RANBP2: variants seen among roughly 807,000 people sequenced by gnomAD.
The protein encoded by RANBP2 is RAN binding protein 2, also known as E3 SUMO-protein ligase RanBP2.
In RANBP2, 57 loss-of-function variants were observed where a neutral mutation model predicts 303.6. That is an observed-to-expected ratio of 0.19 (90% CI 0.15 to 0.23). The LOEUF is 0.23. Ranked by LOEUF, RANBP2 falls within the 10% of genes least tolerant of loss-of-function variation. The probability of loss-of-function intolerance (pLI) is 1.00; values close to 1 mark genes in which losing one functional copy is unlikely to be tolerated. For missense variants in RANBP2, 3,138 were observed against 3,780.8 expected, an observed-to-expected ratio of 0.83 and a Z score of 4.46; for synonymous variants, 1,167 against 1,301.5, an observed-to-expected ratio of 0.90 and a Z score of 2.23.
the RANBP2 span, among the ~76,000 whole-genome samples, chr2:109,495,341 C>T: frequency 6.6e-6 from 1 of 152,316 alleles, no homozygotes; most frequent in East Asian, 1.9e-4. Flanking sequence ...GTTCTGGGAC[C>T]AGCCCCTCCT....
At chr2:109,572,531 A>G in the RANBP2 span, among the ~76,000 whole-genome samples, 1 of 151,820 alleles carries the variant, frequency 6.6e-6, no homozygotes, top group Non-Finnish European at 1.5e-5. Context: ...GCAGTTCAGC[A>G]TGACAGCCAT....
the RANBP2 span, chr2:109,585,009 T>C: frequency 2.1e-6 from 1 of 468,382 alleles, no homozygotes; most frequent in Non-Finnish European, 3.7e-6. Flanking sequence ...TAAAACAATG[T>C]GTGGAAGGAA....
At chr2:109,494,313 G>C in the RANBP2 span, among the ~76,000 whole-genome samples, 1 of 152,138 alleles carries the variant, frequency 6.6e-6, no homozygotes, top group Non-Finnish European at 1.5e-5. Flanking sequence ...TTGCACCCAA[G>C]CACTCTGTAG....
At chr2:109,763,705 TTTGA>T in the RANBP2 span, among the ~76,000 whole-genome samples, 10 of 150,546 alleles carry the variant, frequency 6.6e-5, no homozygotes, top group African/African-American at 2.2e-4. Context: ...AGCTTCTTCC[TTTGA>T]TTGATCATAG....
At chr2:108,911,112 G>A in the RANBP2 span, 3 of 1,613,408 alleles carry the variant, frequency 1.9e-6, no homozygotes, top group Non-Finnish European at 2.5e-6. Flanking sequence ...CAGAGCTCAG[G>A]ATCCCTGCTG....
At chr2:109,489,496 A>G in the RANBP2 span, among the ~76,000 whole-genome samples, 10 of 152,138 alleles carry the variant, frequency 6.6e-5, no homozygotes, top group African/African-American at 2.4e-4. Flanking sequence ...CACTTAGAAG[A>G]GCTGGGGGAG....
the RANBP2 span, among the ~76,000 whole-genome samples, chr2:109,507,431 C>A: frequency 6.6e-6 from 1 of 152,226 alleles, no homozygotes; most frequent in Non-Finnish European, 1.5e-5. Flanking sequence ...AGGGAAACAT[C>A]TGGGGCCTGT....
At chr2:109,187,398 G>C in the RANBP2 span, among the ~76,000 whole-genome samples, 1 of 151,230 alleles carries the variant, frequency 6.6e-6, no homozygotes, top group East Asian at 1.9e-4. Context: ...AAAAAGCTAA[G>C]ATGGTGCTTA....
At chr2:109,679,101 C>T in the RANBP2 span, among the ~76,000 whole-genome samples, 9 of 152,312 alleles carry the variant, frequency 5.9e-5, no homozygotes, top group South Asian at 2.1e-4. Context: ...CCTGCACTTA[C>T]GAACAATTAG....
the RANBP2 span, chr2:109,615,235 C>T: frequency 1.2e-5 from 18 of 1,548,502 alleles, no homozygotes; most frequent in African/African-American, 2.7e-5. Flanking sequence ...TCGGTGGCCT[C>T]GTCGTCCGCG....
the RANBP2 span, among the ~76,000 whole-genome samples, chr2:108,852,459 C>T: frequency 6.6e-6 from 1 of 152,200 alleles, no homozygotes; most frequent in African/African-American, 2.4e-5. Flanking sequence ...GTGTTGTGTT[C>T]ATTGCAGCAC....
At chr2:109,052,795 C>T in the RANBP2 span, among the ~76,000 whole-genome samples, 28 of 152,234 alleles carry the variant, frequency 1.8e-4, no homozygotes, top group Non-Finnish European at 3.8e-4. Context: ...CCACCCGGCC[C>T]GGCCTGTCTT....
At chr2:109,517,060 C>G in the RANBP2 span, among the ~76,000 whole-genome samples, 501 of 152,300 alleles carry the variant, frequency 3.3e-3, 2 homozygotes, top group Non-Finnish European at 4.2e-3. Flanking sequence ...AACTGCCTTC[C>G]AGGAACACTG....
chr2:108,782,126 A>G lies in RANBP2; in HGVS notation c.8761-2A>G. On this transcript the variant is annotated splice_acceptor_variant, in intron 26 of 28. Transcript: ENST00000283195. LOFTEE classifies it high-confidence loss of function. ...TATAGAGAATTTCATCTCCTATTAT[A>G]GGTAGAAGTAAAATCTGGAGAAGAA... 6.2e-7 allele frequency: 1 copy of G among 1,613,948 alleles called. No homozygotes were observed. Among genetic ancestry groups the G allele is most frequent in the South Asian group, 1.1e-5 (1 of 91,056 alleles).
chr2:109,063,487 G>A, the RANBP2 span, among the ~76,000 whole-genome samples: 26 of 152,182 alleles, frequency 1.7e-4, no homozygotes, highest in Non-Finnish European at 2.5e-4. Flanking sequence ...ATGCAGCAGA[G>A]GCCCCCGCGT....
At chr2:109,148,624 A>G in the RANBP2 span, among the ~76,000 whole-genome samples, 1 of 152,216 alleles carries the variant, frequency 6.6e-6, no homozygotes, top group African/African-American at 2.4e-5. Flanking sequence ...TAAAGATGGC[A>G]TTAGTCAGGC....
At chr2:108,960,661 C>T in the RANBP2 span, among the ~76,000 whole-genome samples, 1 of 152,128 alleles carries the variant, frequency 6.6e-6, no homozygotes, top group Non-Finnish European at 1.5e-5. Context: ...AGTTTTCAAA[C>T]ATGTAAAAGT....
chr2:108,893,107 A>G, the RANBP2 span, among the ~76,000 whole-genome samples: 1 of 152,246 alleles, frequency 6.6e-6, no homozygotes, highest in African/African-American at 2.4e-5. Flanking sequence ...TCATTTATTC[A>G]TTTGGTTGCC....
the RANBP2 span, among the ~76,000 whole-genome samples, chr2:109,343,569 CA>C: frequency 6.6e-6 from 1 of 152,180 alleles, no homozygotes; most frequent in Non-Finnish European, 1.5e-5. Context: ...AAACAGGCCC[CA>C]CCTGAGCCCC....
Sources: gnomAD v4.1 joint callset for allele counts (sites outside exome capture counted in the v4.1 genomes callset) on GRCh38, gnomAD v4.1.1 for gene constraint, MANE v1.5 for transcripts, NCBI Gene and HGNC (gene_info 2026-07-23, HGNC 2026-07-21) for gene names.